DBF4: variants seen among roughly 807,000 people sequenced by gnomAD.
DBF4 encodes the protein DBF4-CDC7 kinase regulatory subunit.
DBF4 carries 25 observed loss-of-function variants against 76.6 expected under a neutral mutation model. The observed-to-expected ratio is 0.33, with a 90% CI of 0.24 to 0.46. The LOEUF is 0.46. Ranked by LOEUF, DBF4 falls within the 20% of genes least tolerant of loss-of-function variation. DBF4 has a pLI of 1.00. For missense variants in DBF4, 638 were observed against 760.8 expected, an observed-to-expected ratio of 0.84 and a Z score of 1.90; for synonymous variants, 213 against 258.0, an observed-to-expected ratio of 0.83 and a Z score of 1.67.
chr7:87,897,291 A>G lies in DBF4; in HGVS notation c.635-3A>G. ...TATCTAATATGTTTTCTATGTTCTCAAGCAGGAAGACTCAAAAAGCCTTTT... is the reference window on the plus strand; with the variant it reads ...TATCTAATATGTTTTCTATGTTCTCGAGCAGGAAGACTCAAAAAGCCTTTT... On this transcript the variant is annotated splice_polypyrimidine_tract_variant and splice_region_variant and intron_variant, in intron 7 of 11. Coordinates refer to ENST00000265728, the MANE Select transcript of DBF4 (RefSeq NM_006716.4). 1 of 1,610,948 alleles carries G rather than the reference A, an allele frequency of 6.2e-7. No homozygotes were observed. The highest frequency in any genetic ancestry group is 8.5e-7 in the Non-Finnish European group (1 of 1,179,058).
intron 2 of DBF4, among the ~76,000 whole-genome samples, chr7:87,879,195 C>T (rs1839148329): frequency 6.6e-6 from 1 of 152,154 alleles, no homozygotes; most frequent in Non-Finnish European, 1.5e-5. Flanking sequence ...GTGATTTGCC[C>T]ACCTCAGCCT....
At chr7:87,897,920 G>A (rs980503046) in intron 8 of DBF4, among the ~76,000 whole-genome samples, 1 of 152,100 alleles carries the variant, frequency 6.6e-6, no homozygotes, top group East Asian at 1.9e-4. Context: ...TGGGATTATG[G>A]GTCTACGCCA....
chr7:87,877,597 A>C (rs923365232), intron 1 of DBF4, among the ~76,000 whole-genome samples: 1 of 152,256 alleles, frequency 6.6e-6, no homozygotes, highest in African/African-American at 2.4e-5. Context: ...ACTTTATATG[A>C]AACTAAAACT....
intron 4 of DBF4, 78 bp downstream of exon 4, chr7:87,886,972 A>C (rs1043864764): frequency 2.9e-6 from 3 of 1,037,244 alleles, no homozygotes; most frequent in Non-Finnish European, 4.3e-6. Flanking sequence ...TATTCTTGAA[A>C]TTTTCCTTTC....
intron 6 of DBF4, among the ~76,000 whole-genome samples, chr7:87,892,420 A>G (rs987623168): frequency 6.6e-6 from 1 of 152,190 alleles, no homozygotes; most frequent in Non-Finnish European, 1.5e-5. Context: ...ATGGCTTGAC[A>G]GCTCTTTTTA....
chr7:87,897,425 C>CT lies in DBF4; in HGVS notation c.680+87dup. Reference sequence around the variant, plus strand: ...ACTAATTAGGCTAGCTCGATTAGTACTGTTAGGTTCCTTTGTGTTTGATTT... The same window carrying CT: ...ACTAATTAGGCTAGCTCGATTAGTACTTGTTAGGTTCCTTTGTGTTTGATTT... On this transcript the variant is annotated intron_variant, in intron 8 of 11. Transcript: ENST00000265728. The CT allele has an allele frequency of 3.3e-6, 4 of 1,222,692 alleles. No homozygotes were observed. The Middle Eastern group carries it at 8.0e-4, about 243-fold the overall frequency. 75.7% of individuals were successfully genotyped at this position (1,222,692 alleles called of 1,614,324 possible).
At position 87,899,965 on chromosome 7, in the gene DBF4, C is replaced by T. The variant is rs191648604; in HGVS notation, c.681-256C>T. Reference sequence around the variant, plus strand: ...GACGGTAGCAGTGATGGTACCACAGCATTGTGAATACTTAATGCAACTGAA... The same window carrying T: ...GACGGTAGCAGTGATGGTACCACAGTATTGTGAATACTTAATGCAACTGAA... On this transcript the variant is annotated intron_variant, in intron 8 of 11. Transcript: ENST00000265728. Among the ~76,000 whole-genome samples, 601 of 152,198 alleles carry T rather than the reference C, an allele frequency of 3.9e-3. 3 individuals are homozygous for T. The highest frequency in any genetic ancestry group is 0.013 in the African/African-American group (549 of 41,526).
chr7:87,886,535 CAAAAAAAAAAA>C (rs11411808), intron 3 of DBF4, among the ~76,000 whole-genome samples: 4 of 54,238 alleles, frequency 7.4e-5, no homozygotes, highest in South Asian at 9.9e-4. Context: ...ACTTTGTCTC[CAAAAAAAAAAA>C]AAAAAAAAAA....
chr7:87,894,455 A>G (rs1472451553), intron 6 of DBF4, among the ~76,000 whole-genome samples: 3 of 152,110 alleles, frequency 2.0e-5, no homozygotes, highest in African/African-American at 7.2e-5. Flanking sequence ...GTCTCGGGGA[A>G]AAAAAAGAAA....
intron 2 of DBF4, among the ~76,000 whole-genome samples, chr7:87,880,593 G>A (rs1040779816): frequency 1.3e-5 from 2 of 151,896 alleles, no homozygotes; most frequent in African/African-American, 2.4e-5. Context: ...TTGTCATAAC[G>A]ATCTTCTACA....
Position 87,908,803 on chromosome 7 carries a change from C to T in DBF4, c.*640C>T, listed in dbSNP as rs1839971929. 1 of 151,094 alleles carries T rather than the reference C, an allele frequency of 6.6e-6. No individual in the cohort carries two copies. The highest frequency in any genetic ancestry group is 2.4e-5 in the African/African-American group (1 of 40,858). The allele number at this position is 151,094 out of a possible 1,614,324, so 9.4% of individuals were successfully genotyped here. A position where few individuals can be genotyped will look rare whatever the true frequency, so the allele number is the denominator to read the frequency against. ...AACTTTAATAATATTCAAAAGTTGA[C>T]TCTCCTGTGGCTCATGCCACAGGAT... On this transcript the variant is annotated 3_prime_UTR_variant, in exon 12 of 12. Coordinates refer to ENST00000265728, the MANE Select transcript of DBF4 (RefSeq NM_006716.4).
chr7:87,900,266 A>C lies in DBF4; in HGVS notation c.726A>C (p.Ile242=), dbSNP rs1327126364. Residue 242 remains isoleucine, a synonymous_variant, in exon 9 of 12, where the codon ATA becomes ATC. Transcript: ENST00000265728. The part of the protein sequence containing the change: ...FYLQLTNMPF[I]NYSIQKPCSP... ...TTCAGCTGACCAATATGCCTTTTAT[A>C]AATTATTCTATTCAGAAGCCCTGCA... 1 of 1,604,774 alleles carries C rather than the reference A, an allele frequency of 6.2e-7. No homozygotes were observed.
At chr7:87,903,229 T>C (rs6956694) in intron 10 of DBF4, among the ~76,000 whole-genome samples, 1,746 of 152,286 alleles carry the variant, frequency 0.011, 44 homozygotes, top group African/African-American at 0.04. Context: ...ACTACAGGCA[T>C]GCGCCACCAC....
At chr7:87,901,368 T>C (rs1490908533) in intron 10 of DBF4, among the ~76,000 whole-genome samples, 2 of 152,116 alleles carry the variant, frequency 1.3e-5, no homozygotes, top group Non-Finnish European at 2.9e-5. Context: ...TTAAAATGAT[T>C]GATGGGACCA....
In DBF4 at chr7:87,888,417, A is replaced by C. The variant is rs1284301426; in HGVS notation, c.597+358A>C. On this transcript the variant is annotated intron_variant, in intron 6 of 11. Transcript: ENST00000265728. ...AATATAAATATGTACTATCCTTTTCAACTGCTCTAAATGGTATAACAAAAT... is the reference window on the plus strand; with the variant it reads ...AATATAAATATGTACTATCCTTTTCCACTGCTCTAAATGGTATAACAAAAT... The C allele has an allele frequency of 1.1e-5, 8 of 709,460 alleles. No individual in the cohort carries two copies. In the Admixed American group the frequency reaches 5.0e-4, roughly 45 times the overall value. The allele number at this position is 709,460 out of a possible 1,614,324, so 43.9% of individuals were successfully genotyped here.
chr7:87,886,125 A>G (rs1839343154), intron 3 of DBF4, among the ~76,000 whole-genome samples: 1 of 152,168 alleles, frequency 6.6e-6, no homozygotes, highest in Admixed American at 6.5e-5. Context: ...TCAAGAAAGG[A>G]CCATGCATTC....
At chr7:87,898,727 C>CT (rs1839698133) in intron 8 of DBF4, among the ~76,000 whole-genome samples, 1 of 148,848 alleles carries the variant, frequency 6.7e-6, no homozygotes, top group Non-Finnish European at 1.5e-5. Context: ...GGAGGCAGAG[C>CT]TTGCAGTGAG....
At chr7:87,899,810 C>CA (rs571019858) in intron 8 of DBF4, among the ~76,000 whole-genome samples, 6 of 152,118 alleles carry the variant, frequency 3.9e-5, no homozygotes, top group Non-Finnish European at 7.4e-5. Context: ...CTACGTTAGT[C>CA]AAACTGATAA....
intron 2 of DBF4, among the ~76,000 whole-genome samples, chr7:87,884,643 G>T (rs917989873): frequency 7.2e-5 from 11 of 152,316 alleles, no homozygotes; most frequent in African/African-American, 2.6e-4. Context: ...CTGTTGTGCT[G>T]TTATAGGAGC....
Sources: allele counts gnomAD v4.1 joint callset (sites outside exome capture counted in the v4.1 genomes callset), GRCh38; gene constraint gnomAD v4.1.1; transcripts MANE v1.5; gene names NCBI Gene and HGNC (gene_info 2026-07-23, HGNC 2026-07-21).